The following PCDHA8 variants were observed in gnomAD, a reference collection of about 807,000 sequenced individuals.
The protein encoded by PCDHA8 is protocadherin alpha-8.
PCDHA8 carries 53 observed loss-of-function variants against 61.8 expected under a neutral mutation model. The ratio of observed to expected loss-of-function variants is 0.86; its 90% CI spans 0.69 to 1.08. PCDHA8 has a LOEUF of 1.08. PCDHA8 is among the 50% of genes least tolerant of loss of function. The pLI is 0.00. For missense variants in PCDHA8, 1,293 were observed against 1,245.0 expected (o/e 1.04, Z -0.58); for synonymous variants, 618 against 556.6 (o/e 1.11, Z -1.55).
chr5:140,903,172 C>T (rs2070066511), intron 1 of PCDHA8, among the ~76,000 whole-genome samples: 1 of 152,152 alleles, frequency 6.6e-6, no homozygotes, highest in Non-Finnish European at 1.5e-5. Flanking sequence ...GGTTTACATT[C>T]CCACCAATAG....
intron 1 of PCDHA8, among the ~76,000 whole-genome samples, chr5:140,905,859 A>T (rs2072155643): frequency 1.3e-5 from 2 of 152,192 alleles, no homozygotes; most frequent in Non-Finnish European, 2.9e-5. Context: ...GTATTAACTC[A>T]CACAATCACA....
intron 1 of PCDHA8, among the ~76,000 whole-genome samples, chr5:140,938,925 CT>C (rs1316558463): frequency 2.0e-5 from 3 of 151,992 alleles, no homozygotes; most frequent in African/African-American, 7.2e-5. Flanking sequence ...AAGAAATTGG[CT>C]TTTAACTTTC....
At chr5:141,004,255 G>T (rs782648685) in intron 3 of PCDHA8, among the ~76,000 whole-genome samples, 2 of 152,190 alleles carry the variant, frequency 1.3e-5, no homozygotes, top group Non-Finnish European at 2.9e-5. Flanking sequence ...TTGTTTTACT[G>T]GAATGAGTCA....
intron 3 of PCDHA8, among the ~76,000 whole-genome samples, chr5:140,988,304 C>T (rs1554250029): frequency 6.6e-6 from 1 of 152,308 alleles, no homozygotes; most frequent in African/African-American, 2.4e-5. Flanking sequence ...GGAGTGCCAG[C>T]TTGGCTTGGC....
chr5:140,867,042 G>A (rs782113838), intron 1 of PCDHA8: 4 of 152,084 alleles, frequency 2.6e-5, no homozygotes, highest in Non-Finnish European at 4.4e-5. Flanking sequence ...ATGACTTGGC[G>A]TTTGTTCAGT....
At chr5:140,883,502 G>T in intron 1 of PCDHA8, 1 of 1,614,160 alleles carries the variant, frequency 6.2e-7, no homozygotes, top group Non-Finnish European at 8.5e-7. Context: ...GCTGGACAGC[G>T]CCCTGGACCG....
Position 141,010,230 on chromosome 5 carries a change from C to T in PCDHA8, c.*293C>T. The T allele has an allele frequency of 1.3e-6, 2 of 1,551,936 alleles. No homozygotes were observed. Among genetic ancestry groups the T allele is most frequent in the African/African-American group, 1.4e-5 (1 of 73,162 alleles). Reference sequence around the variant, plus strand: ...GCAAAGGAGAGGCTTCCCAGCCCCGCCAGTGAGAGGTTGGACTCTCTGCCC... The same window carrying T: ...GCAAAGGAGAGGCTTCCCAGCCCCGTCAGTGAGAGGTTGGACTCTCTGCCC... On this transcript the variant is annotated 3_prime_UTR_variant, in exon 4 of 4. Transcript: ENST00000531613.
intron 1 of PCDHA8, 120 bp downstream of exon 1, chr5:140,843,835 T>G: frequency 5.5e-6 from 6 of 1,094,648 alleles, no homozygotes; most frequent in Non-Finnish European, 5.3e-6. Context: ...CATTGTTTAG[T>G]TTTTAGAAAC....
At chr5:140,863,648 T>C (rs2048105633) in intron 1 of PCDHA8, 2 of 299,994 alleles carry the variant, frequency 6.7e-6, no homozygotes, top group Non-Finnish European at 1.3e-5. Context: ...AAGTTATTAA[T>C]TTGATTGCTT....
intron 1 of PCDHA8, chr5:140,854,299 C>A: frequency 2.4e-6 from 1 of 414,144 alleles, no homozygotes; most frequent in Non-Finnish European, 3.2e-6. Context: ...TTATTTTGTG[C>A]GTGGAGATGA....
intron 1 of PCDHA8, among the ~76,000 whole-genome samples, chr5:140,957,345 A>G (rs1375707193): frequency 6.6e-6 from 1 of 152,170 alleles, no homozygotes; most frequent in Admixed American, 6.5e-5. Flanking sequence ...ATTTTGAGAG[A>G]GAGACCACAT....
chr5:140,953,901 A>G (rs1354951706), intron 1 of PCDHA8, among the ~76,000 whole-genome samples: 1 of 152,156 alleles, frequency 6.6e-6, no homozygotes, highest in Admixed American at 6.5e-5. Flanking sequence ...TATTAAGCCC[A>G]GCATCCATTA....
At chr5:140,968,133 A>C in intron 1 of PCDHA8, 6 of 1,614,140 alleles carry the variant, frequency 3.7e-6, no homozygotes, top group Non-Finnish European at 5.1e-6. Context: ...CGTACACTGA[A>C]GGTTGAGATC....
chr5:140,882,555 G>A (rs1554174539), intron 1 of PCDHA8: 1 of 1,614,272 alleles, frequency 6.2e-7, no homozygotes, highest in Admixed American at 1.7e-5. Flanking sequence ...GAGGAGCTGT[G>A]TGGGCGGAGC....
intron 1 of PCDHA8, among the ~76,000 whole-genome samples, chr5:140,932,302 G>A (rs565143074): frequency 6.6e-6 from 1 of 151,800 alleles, no homozygotes; most frequent in African/African-American, 2.4e-5. Context: ...AATTTTTAAA[G>A]GTATAAATAT....
chr5:140,866,332 C>T (rs907104560), intron 1 of PCDHA8: 2 of 152,020 alleles, frequency 1.3e-5, no homozygotes, highest in Non-Finnish European at 2.9e-5. Flanking sequence ...CTGAACTTGG[C>T]CAAAGGATTC....
In PCDHA8 at chr5:140,871,470, G is replaced by A. The variant is rs782433204; in HGVS notation, c.2394+27755G>A. ...AAGAGGAGGAAGGGGAAAGACAGGAGCCAGGGTCAAATCACCCCGGACAGG... is the reference window on the plus strand; with the variant it reads ...AAGAGGAGGAAGGGGAAAGACAGGAACCAGGGTCAAATCACCCCGGACAGG... On this transcript the variant is annotated intron_variant, in intron 1 of 3. Coordinates refer to ENST00000531613, the MANE Select transcript of PCDHA8 (RefSeq NM_018911.3). The A allele has an allele frequency of 3.1e-6, 5 of 1,601,030 alleles. No individual in the cohort carries two copies. In the South Asian group the frequency reaches 4.5e-5, roughly 14 times the overall value.
chr5:140,906,702 T>C (rs1315678574), intron 1 of PCDHA8, among the ~76,000 whole-genome samples: 2 of 152,232 alleles, frequency 1.3e-5, no homozygotes, highest in African/African-American at 2.4e-5. Context: ...GGGCCATTTG[T>C]AGTCCTGCCT....
intron 1 of PCDHA8, chr5:140,855,998 G>T: frequency 6.6e-7 from 1 of 1,511,404 alleles, no homozygotes; most frequent in Non-Finnish European, 8.9e-7. Flanking sequence ...CAGATCGTAT[G>T]TGCGTTCTAG....
Sources: gnomAD v4.1 joint callset for allele counts (sites outside exome capture counted in the v4.1 genomes callset) on GRCh38, gnomAD v4.1.1 for gene constraint, MANE v1.5 for transcripts, NCBI Gene and HGNC (gene_info 2026-07-23, HGNC 2026-07-21) for gene names.